ZNF254: variants seen among roughly 807,000 people sequenced by gnomAD.
The protein encoded by ZNF254 is zinc finger protein 254, also known as CTD-2017D11.1.
ZNF254 carries 10 observed loss-of-function variants against 12.4 expected under a neutral mutation model. The observed-to-expected ratio is 0.80, with a 90% CI of 0.50 to 1.36. ZNF254 has a LOEUF of 1.36. Ranked by LOEUF, ZNF254 falls within the 40% of genes most tolerant of loss-of-function variation. The pLI is 0.00. For synonymous variants in ZNF254, 305 were observed against 253.4 expected (o/e 1.20, Z -1.93); for missense variants, 996 against 763.9 (o/e 1.30, Z -3.58).
chr19:24,085,672 T>C (rs945258395), upstream of ZNF254, among the ~76,000 whole-genome samples: 2 of 151,640 alleles, frequency 1.3e-5, no homozygotes, highest in African/African-American at 2.4e-5. Flanking sequence ...CTCCAGAGGC[T>C]GAGGCTGGAG....
intron 2 of ZNF254, among the ~76,000 whole-genome samples, chr19:24,053,549 C>T (rs1328106819): frequency 6.6e-6 from 1 of 151,932 alleles, no homozygotes; most frequent in African/African-American, 2.4e-5. Flanking sequence ...CTGGACATAT[C>T]ACAGGGCCTA....
intron 3 of ZNF254, among the ~76,000 whole-genome samples, chr19:24,124,525 T>A (rs1046246042): frequency 6.6e-6 from 1 of 152,164 alleles, no homozygotes; most frequent in Non-Finnish European, 1.5e-5. Flanking sequence ...CTTTTATATG[T>A]AGGGCATATG....
intron 3 of ZNF254, among the ~76,000 whole-genome samples, chr19:24,110,961 T>A (rs1973636786): frequency 6.6e-6 from 1 of 151,906 alleles, no homozygotes; most frequent in South Asian, 2.1e-4. Flanking sequence ...TATATTTTAA[T>A]ATTATTATAC....
Position 24,115,159 on chromosome 19 carries a change from C to G in ZNF254, c.253+8516C>G, listed in dbSNP as rs552315329. Among the ~76,000 whole-genome samples the G allele has an allele frequency of 1.7e-3, 264 of 151,036 alleles. 3 individuals carry two copies. In the South Asian group the frequency reaches 0.02, roughly 11 times the overall value. On this transcript the variant is annotated intron_variant, in intron 3 of 3. Transcript: ENST00000357002. ...AGAACTAGAAATACCATTTGACCCA[C>G]CCAACCCATTACTGGGTAGATACCC... is the stretch of plus-strand genomic sequence containing the variant.
At chr19:24,057,333 TG>T (rs2145369244) in intron 2 of ZNF254, among the ~76,000 whole-genome samples, 1 of 152,290 alleles carries the variant, frequency 6.6e-6, no homozygotes, top group South Asian at 2.1e-4. Context: ...ACAGCTGAGG[TG>T]GTGACTCATT....
chr19:24,087,372 AG>A (rs1354200722), intron 1 of ZNF254, 35 bp downstream of exon 1: 1 of 1,612,504 alleles, frequency 6.2e-7, no homozygotes, highest in African/African-American at 1.3e-5. Context: ...GAGAGAGGGG[AG>A]GGGGCTGGTT....
intron 2 of ZNF254, among the ~76,000 whole-genome samples, chr19:24,051,724 C>T (rs1970654794): frequency 6.6e-6 from 1 of 151,596 alleles, no homozygotes; most frequent in African/African-American, 2.4e-5. Context: ...TATGAAATAT[C>T]TTTCTGTTAA....
chr19:24,095,435 C>T (rs1243756416), intron 1 of ZNF254, among the ~76,000 whole-genome samples: 1 of 152,032 alleles, frequency 6.6e-6, no homozygotes, highest in Non-Finnish European at 1.5e-5. Flanking sequence ...TTCTTAATTG[C>T]TTAAAATAGT....
rs147934117 is a variant in ZNF254 at position 24,123,157 on chromosome 19, C to A, written c.254-3097C>A. 8.2e-3 allele frequency among the ~76,000 whole-genome samples: 1,245 copies of A among 152,150 alleles called. 10 individuals carry two copies. The highest frequency in any genetic ancestry group is 0.031 in the Middle Eastern group (9 of 294). ...CTTTTCAGAATATTAATTATTTCAA[C>A]CTTTGTTTAAAAGCACACTCAAGGG... is the stretch of plus-strand genomic sequence containing the variant. On this transcript the variant is annotated intron_variant, in intron 3 of 3. Coordinates refer to ENST00000357002, the MANE Select transcript of ZNF254 (RefSeq NM_203282.4).
intron 1 of ZNF254, among the ~76,000 whole-genome samples, chr19:24,099,648 A>C (rs1014725001): frequency 2.0e-5 from 3 of 152,210 alleles, no homozygotes; most frequent in African/African-American, 7.2e-5. Flanking sequence ...TTGTCATTGA[A>C]TATAACCAGT....
At chr19:24,089,322 T>C (rs2145653437) in intron 1 of ZNF254, among the ~76,000 whole-genome samples, 1 of 152,200 alleles carries the variant, frequency 6.6e-6, no homozygotes, top group South Asian at 2.1e-4. Context: ...TTTAAAAAGG[T>C]TTGTTTTCTT....
chr19:24,075,645 A>C (rs914078097), intron 2 of ZNF254, among the ~76,000 whole-genome samples: 4 of 152,188 alleles, frequency 2.6e-5, no homozygotes, highest in Non-Finnish European at 5.9e-5. Context: ...AGAATTACTA[A>C]TGAGGTTCCA....
At chr19:24,054,345 C>A (rs922977702) in intron 2 of ZNF254, among the ~76,000 whole-genome samples, 1 of 152,134 alleles carries the variant, frequency 6.6e-6, no homozygotes, top group African/African-American at 2.4e-5. Context: ...GTGACATATA[C>A]TATAGTCAGC....
At chr19:24,083,767 C>T (rs1971932184), upstream of ZNF254, among the ~76,000 whole-genome samples, 1 of 152,022 alleles carries the variant, frequency 6.6e-6, no homozygotes, top group African/African-American at 2.4e-5. Context: ...CAGGAAAATG[C>T]AAATCAAAAC....
chr19:24,057,637 G>A (rs1331216357), intron 2 of ZNF254, among the ~76,000 whole-genome samples: 1 of 152,208 alleles, frequency 6.6e-6, no homozygotes, highest in African/African-American at 2.4e-5. Flanking sequence ...TCCACTGGAT[G>A]TTCTGAATCT....
chr19:24,044,293 C>A (rs981817798), intron 1 of ZNF254, among the ~76,000 whole-genome samples: 11 of 151,234 alleles, frequency 7.3e-5, no homozygotes, highest in African/African-American at 2.4e-4. Flanking sequence ...AATCCCAGCA[C>A]TTTGGGAGGC....
chr19:24,127,787 A>G lies in ZNF254; in HGVS notation c.1787A>G (p.His596Arg). The G allele has an allele frequency of 6.2e-7, 1 of 1,612,742 alleles. No homozygotes were observed. The highest frequency in any genetic ancestry group is 1.3e-5 in the African/African-American group (1 of 75,002). Reference protein sequence around the residue: ...SSTFTKHKVIHTGVKPYKCEE... With the variant: ...SSTFTKHKVIRTGVKPYKCEE... ...ACTTTTACTAAACATAAGGTAATTC[A>G]TACTGGAGTAAAACCCTACAAATGT... Residue 596 changes from histidine to arginine, a missense_variant, in exon 4 of 4, where the codon CAT (histidine) becomes CGT (arginine). His to Arg is a conservative substitution (Grantham distance 29, BLOSUM62 0). Coordinates refer to ENST00000357002, the MANE Select transcript of ZNF254 (RefSeq NM_203282.4).
chr19:24,088,044 T>A (rs1428493296), intron 1 of ZNF254, among the ~76,000 whole-genome samples: 1 of 151,660 alleles, frequency 6.6e-6, no homozygotes, highest in African/African-American at 2.4e-5. Context: ...GCCTCCCTAG[T>A]AGCTGGGACT....
chr19:24,040,258 C>T (rs1312159033), intron 1 of ZNF254, among the ~76,000 whole-genome samples: 1 of 152,098 alleles, frequency 6.6e-6, no homozygotes, highest in Non-Finnish European at 1.5e-5. Context: ...AAGTGTAAAA[C>T]GGGTGTCTAC....
Sources: allele counts gnomAD v4.1 joint callset (sites outside exome capture counted in the v4.1 genomes callset), GRCh38; gene constraint gnomAD v4.1.1; transcripts MANE v1.5; gene names NCBI Gene and HGNC (gene_info 2026-07-23, HGNC 2026-07-21).